Variants in ST6GALNAC3 observed in about 807,000 individuals in gnomAD.
The protein encoded by ST6GALNAC3 is alpha-N-acetylgalactosaminide alpha-2,6-sialyltransferase 3.
A neutral mutation model predicts 32.7 loss-of-function variants in ST6GALNAC3; 25 were observed. That is an observed-to-expected ratio of 0.76 (90% confidence interval 0.56 to 1.07). The LOEUF (loss-of-function observed/expected upper bound fraction) is 1.07, where lower values mean the gene tolerates loss of function less well. ST6GALNAC3 is among the 50% of genes least tolerant of loss of function. The pLI is 0.00. For synonymous variants in ST6GALNAC3, 129 were observed against 133.1 expected, an observed-to-expected ratio of 0.97 and a Z score of 0.21; for missense variants, 355 against 382.4, an observed-to-expected ratio of 0.93 and a Z score of 0.60.
In ST6GALNAC3 at chr1:76,176,323, C is replaced by T. The variant is rs184906283; in HGVS notation, c.18+101439C>T. Among the ~76,000 whole-genome samples, 4 of 152,166 alleles carry T rather than the reference C, an allele frequency of 2.6e-5. No homozygotes were observed. The East Asian group carries it at 7.7e-4, about 29-fold the overall frequency. On this transcript the variant is annotated intron_variant, in intron 1 of 4. Coordinates refer to ENST00000328299, the MANE Select transcript of ST6GALNAC3 (RefSeq NM_152996.4). ...CCTGCTCAGTATTGCACAGAAAAGTCTTGGTTTGACTTACAGCCTGCTCAT... is the reference window on the plus strand; with the variant it reads ...CCTGCTCAGTATTGCACAGAAAAGTTTTGGTTTGACTTACAGCCTGCTCAT...
chr1:76,095,860 T>C (rs1647122517), intron 1 of ST6GALNAC3, among the ~76,000 whole-genome samples: 1 of 152,204 alleles, frequency 6.6e-6, no homozygotes, highest in African/African-American at 2.4e-5. Flanking sequence ...CTGAATGAAA[T>C]TGAATGTCTT....
chr1:76,560,835 A>G (rs1340389566), intron 3 of ST6GALNAC3, among the ~76,000 whole-genome samples: 2 of 152,210 alleles, frequency 1.3e-5, no homozygotes, highest in Admixed American at 1.3e-4. Context: ...ACCGCTGGGT[A>G]TATAACCAAA....
intron 1 of ST6GALNAC3, among the ~76,000 whole-genome samples, chr1:76,198,451 A>T (rs1654331349): frequency 6.6e-6 from 1 of 152,246 alleles, no homozygotes; most frequent in African/African-American, 2.4e-5. Context: ...GAAAATGAAC[A>T]GAGGGTTGGC....
chr1:76,482,572 T>G (rs919865992), intron 3 of ST6GALNAC3, among the ~76,000 whole-genome samples: 1 of 152,154 alleles, frequency 6.6e-6, no homozygotes, highest in Non-Finnish European at 1.5e-5. Context: ...TTAACAATTT[T>G]TAATAAAAGC....
intron 3 of ST6GALNAC3, among the ~76,000 whole-genome samples, chr1:76,501,127 G>T (rs1286142458): frequency 2.0e-5 from 3 of 152,150 alleles, no homozygotes; most frequent in Non-Finnish European, 4.4e-5. Flanking sequence ...TAAAATACAT[G>T]CCTTTCCTTT....
intron 3 of ST6GALNAC3, among the ~76,000 whole-genome samples, chr1:76,424,914 G>A (rs1409979449): frequency 6.6e-6 from 1 of 151,816 alleles, no homozygotes; most frequent in African/African-American, 2.4e-5. Context: ...TCTCTTTGTG[G>A]TTGCTAAAGC....
intron 1 of ST6GALNAC3, among the ~76,000 whole-genome samples, chr1:76,203,675 T>A (rs185200442): frequency 2.9e-4 from 44 of 152,320 alleles, no homozygotes; most frequent in African/African-American, 9.9e-4. Context: ...GGAAATAGTA[T>A]TTTTAAAGTG....
chr1:76,558,490 C>G (rs1031503392), intron 3 of ST6GALNAC3, among the ~76,000 whole-genome samples: 4 of 152,126 alleles, frequency 2.6e-5, no homozygotes, highest in Admixed American at 2.6e-4. Flanking sequence ...AACTCAGGAA[C>G]AGAAAATCAA....
At chr1:76,306,974 T>A (rs1399153508) in intron 1 of ST6GALNAC3, among the ~76,000 whole-genome samples, 2 of 152,234 alleles carry the variant, frequency 1.3e-5, no homozygotes, top group East Asian at 3.9e-4. Context: ...AAAACAAGTT[T>A]ATCTCATTCA....
At chr1:76,100,532 A>G (rs997831418) in intron 1 of ST6GALNAC3, among the ~76,000 whole-genome samples, 3 of 152,152 alleles carry the variant, frequency 2.0e-5, no homozygotes, top group Admixed American at 6.5e-5. Context: ...AAGCAACCCA[A>G]TTGGGTCAAG....
At chr1:76,108,729 C>A (rs1279882050) in intron 1 of ST6GALNAC3, among the ~76,000 whole-genome samples, 1 of 152,054 alleles carries the variant, frequency 6.6e-6, no homozygotes, top group Non-Finnish European at 1.5e-5. Flanking sequence ...TCGATCGAAA[C>A]AAATTATCAT....
intron 3 of ST6GALNAC3, among the ~76,000 whole-genome samples, chr1:76,465,719 A>T (rs535160647): frequency 7.2e-5 from 11 of 151,928 alleles, no homozygotes; most frequent in African/African-American, 2.4e-4. Context: ...TTTTTTTTTT[A>T]AATGTAATTG....
chr1:76,539,877 G>A (rs1663880601), intron 3 of ST6GALNAC3, among the ~76,000 whole-genome samples: 1 of 152,152 alleles, frequency 6.6e-6, no homozygotes, highest in African/African-American at 2.4e-5. Flanking sequence ...TGAGGCTGAG[G>A]AGAAATAAGA....
At chr1:76,291,428 T>G (rs1298877944) in intron 1 of ST6GALNAC3, among the ~76,000 whole-genome samples, 1 of 152,200 alleles carries the variant, frequency 6.6e-6, no homozygotes, top group African/African-American at 2.4e-5. Context: ...GTGGCCTCGC[T>G]GCCCCAGCCC....
At chr1:76,560,354 G>T (rs1261801696) in intron 3 of ST6GALNAC3, among the ~76,000 whole-genome samples, 2 of 152,052 alleles carry the variant, frequency 1.3e-5, no homozygotes, top group Non-Finnish European at 2.9e-5. Flanking sequence ...AAGTTAAAAA[G>T]CTCTGCACAG....
chr1:76,120,416 A>G (rs1052832413), intron 1 of ST6GALNAC3, among the ~76,000 whole-genome samples: 3 of 152,210 alleles, frequency 2.0e-5, no homozygotes, highest in Admixed American at 2.0e-4. Flanking sequence ...TCTGTGAGAA[A>G]TGACTCCTAT....
intron 1 of ST6GALNAC3, among the ~76,000 whole-genome samples, chr1:76,267,378 A>G (rs533803187): frequency 3.9e-5 from 6 of 152,262 alleles, no homozygotes; most frequent in Admixed American, 3.9e-4. Context: ...GCCACTGTCC[A>G]AAGTCAAAAG....
intron 1 of ST6GALNAC3, among the ~76,000 whole-genome samples, chr1:76,139,083 A>G (rs1191529592): frequency 6.6e-6 from 1 of 152,126 alleles, no homozygotes; most frequent in African/African-American, 2.4e-5. Flanking sequence ...AGTCCCAGCT[A>G]CTAGGGAGGC....
intron 1 of ST6GALNAC3, among the ~76,000 whole-genome samples, chr1:76,236,314 G>A (rs747038455): frequency 1.8e-4 from 27 of 152,206 alleles, no homozygotes; most frequent in Non-Finnish European, 2.6e-4. Flanking sequence ...CAGACTCTGA[G>A]GTATTGGGGT....
Sources: allele counts gnomAD v4.1 joint callset (sites outside exome capture counted in the v4.1 genomes callset), GRCh38; gene constraint gnomAD v4.1.1; transcripts MANE v1.5; gene names NCBI Gene and HGNC (gene_info 2026-07-23, HGNC 2026-07-21).